KLRG1: variants seen among roughly 807,000 people sequenced by gnomAD.
KLRG1 encodes the protein killer cell lectin like receptor G1.
KLRG1 carries 16 observed loss-of-function variants against 21.8 expected under a neutral mutation model. That is an observed-to-expected ratio of 0.73 (90% confidence interval 0.50 to 1.11). The LOEUF is 1.11. KLRG1 is among the 50% of genes most tolerant of loss of function. KLRG1 has a pLI of 0.00. For synonymous variants in KLRG1, 69 were observed against 75.9 expected (o/e 0.91, Z 0.47); for missense variants, 173 against 218.3 (o/e 0.79, Z 1.31).
the KLRG1 span, chr12:9,068,219 A>T: frequency 3.1e-6 from 5 of 1,608,294 alleles, no homozygotes; most frequent in Non-Finnish European, 4.2e-6. Flanking sequence ...GCAATTGCAA[A>T]CTCATCTGAA....
chr12:9,169,336 G>A, the KLRG1 span: 4 of 1,207,760 alleles, frequency 3.3e-6, no homozygotes, highest in Admixed American at 2.6e-5. Flanking sequence ...GAGAGGCAAG[G>A]CTACATAATT....
chr12:8,974,655 G>A (rs117478973), intron 1 of KLRG1, among the ~76,000 whole-genome samples: 3,021 of 152,228 alleles, frequency 0.02, 38 homozygotes, highest in Non-Finnish European at 0.029. Flanking sequence ...TTATGTTAAT[G>A]TGGTGTATTA....
At chr12:9,160,559 A>T in the KLRG1 span, 11 of 1,423,004 alleles carry the variant, frequency 7.7e-6, no homozygotes, top group African/African-American at 1.5e-4. Context: ...ATTAACAAAA[A>T]TGGCCTTTAT....
the KLRG1 span, among the ~76,000 whole-genome samples, chr12:9,086,971 G>A: frequency 7.2e-5 from 11 of 152,098 alleles, no homozygotes; most frequent in African/African-American, 2.7e-4. Flanking sequence ...ATAAAAATCA[G>A]TAGTATTTTC....
the KLRG1 span, among the ~76,000 whole-genome samples, chr12:9,124,174 G>A: frequency 6.6e-6 from 1 of 152,330 alleles, no homozygotes; most frequent in African/African-American, 2.4e-5. Flanking sequence ...TCAGAGACAA[G>A]AGGATTCTCG....
At chr12:9,023,114 G>A in the KLRG1 span, among the ~76,000 whole-genome samples, 1 of 152,236 alleles carries the variant, frequency 6.6e-6, no homozygotes, top group African/African-American at 2.4e-5. Context: ...TTTAGAGCCA[G>A]TCAGTCAGAA....
At chr12:9,097,379 G>T in the KLRG1 span, among the ~76,000 whole-genome samples, 1 of 152,104 alleles carries the variant, frequency 6.6e-6, no homozygotes, top group Admixed American at 6.5e-5. Context: ...TATTACAATT[G>T]GTCTCATATT....
At chr12:9,157,044 C>G in the KLRG1 span, 1 of 750,968 alleles carries the variant, frequency 1.3e-6, no homozygotes, top group Non-Finnish European at 2.0e-6. Flanking sequence ...GTTATTAGGT[C>G]CCCCATGCAT....
chr12:9,110,060 T>C, the KLRG1 span: 1 of 1,585,340 alleles, frequency 6.3e-7, no homozygotes, highest in South Asian at 1.2e-5. Flanking sequence ...TAATTATAAC[T>C]TACAAAAGCA....
At chr12:9,157,618 T>C in the KLRG1 span, 1 of 761,828 alleles carries the variant, frequency 1.3e-6, no homozygotes, top group Non-Finnish European at 2.1e-6. Context: ...TAAATCTCTC[T>C]TAATGCATCA....
chr12:9,040,990 T>C, the KLRG1 span, among the ~76,000 whole-genome samples: 1 of 152,238 alleles, frequency 6.6e-6, no homozygotes, highest in Non-Finnish European at 1.5e-5. Context: ...TGTGACAGAC[T>C]GTTTCCAAAG....
chr12:9,161,029 T>C, the KLRG1 span: 44 of 1,567,554 alleles, frequency 2.8e-5, no homozygotes, highest in South Asian at 3.9e-4. Context: ...GGAAGGTGAC[T>C]CACCCAGAAC....
chr12:9,036,485 C>T, the KLRG1 span: 84 of 163,294 alleles, frequency 5.1e-4, 2 homozygotes, highest in East Asian at 0.012. Context: ...AACAAAGTCA[C>T]GCAGTGCTGT....
At chr12:9,042,469 C>G in the KLRG1 span, among the ~76,000 whole-genome samples, 2 of 151,970 alleles carry the variant, frequency 1.3e-5, no homozygotes, top group Admixed American at 1.3e-4. Flanking sequence ...ATAATGCCTC[C>G]TGAACCCTCT....
At chr12:9,140,991 C>T in the KLRG1 span, among the ~76,000 whole-genome samples, 2 of 152,226 alleles carry the variant, frequency 1.3e-5, no homozygotes, top group South Asian at 4.1e-4. Flanking sequence ...ATTGCCATAA[C>T]TTAAATATAC....
chr12:9,152,894 C>G, the KLRG1 span: 1 of 1,614,100 alleles, frequency 6.2e-7, no homozygotes, highest in Non-Finnish European at 8.5e-7. Flanking sequence ...ACAGTCTGCA[C>G]TTTTAAAGCA....
the KLRG1 span, chr12:9,028,622 T>C: frequency 2.4e-5 from 9 of 370,184 alleles, no homozygotes; most frequent in Non-Finnish European, 4.2e-5. Context: ...TTTTGTATTT[T>C]TAGTAGAGAC....
At chr12:9,199,846 C>T in the KLRG1 span, among the ~76,000 whole-genome samples, 8 of 152,002 alleles carry the variant, frequency 5.3e-5, no homozygotes, top group East Asian at 1.9e-4. Context: ...AACTTTGGCA[C>T]GTGATTGAAA....
intron 1 of KLRG1, among the ~76,000 whole-genome samples, chr12:8,962,452 A>G (rs951077996): frequency 2.0e-5 from 3 of 152,128 alleles, no homozygotes; most frequent in Non-Finnish European, 2.9e-5. Flanking sequence ...GGTGGCTCAC[A>G]CCTGTAATCC....
Sources: gnomAD v4.1 joint callset for allele counts (sites outside exome capture counted in the v4.1 genomes callset) on GRCh38, gnomAD v4.1.1 for gene constraint, MANE v1.5 for transcripts, NCBI Gene and HGNC (gene_info 2026-07-23, HGNC 2026-07-21) for gene names.